SLC11A1: variants seen among roughly 807,000 people sequenced by gnomAD.
SLC11A1 encodes solute carrier family 11 member 1, also known as natural resistance-associated macrophage protein 1.
Under a neutral mutation model 63.2 loss-of-function variants are expected in SLC11A1, and 59 were observed. The observed-to-expected ratio is 0.93, with a 90% confidence interval of 0.76 to 1.16. The LOEUF is 1.16. SLC11A1 is among the 50% of genes most tolerant of loss of function. SLC11A1 has a pLI of 0.00. For synonymous variants in SLC11A1, 305 were observed against 307.8 expected (o/e 0.99, Z 0.09); for missense variants, 688 against 730.7 (o/e 0.94, Z 0.67).
At chr2:218,392,013 C>T in intron 11 of SLC11A1, 1 of 311,534 alleles carries the variant, frequency 3.2e-6, no homozygotes, top group South Asian at 2.4e-5. Context: ...GCCTTGGACT[C>T]CTGAAGTGCT....
intron 11 of SLC11A1, 159 bp downstream of exon 11, chr2:218,391,654 C>A: frequency 6.1e-6 from 6 of 978,010 alleles, no homozygotes; most frequent in Non-Finnish European, 8.7e-6. Flanking sequence ...GACGGAGTCT[C>A]GCTCTTGTCG....
rs907191459 is a variant in SLC11A1, at chr2:218,382,450, G to C, written c.7+75G>C. The C allele has an allele frequency of 3.7e-5, 57 of 1,551,020 alleles. No homozygotes were observed. The Middle Eastern group carries it at 8.4e-4, about 23-fold the overall frequency. On this transcript the variant is annotated intron_variant, in intron 1 of 14. Transcript: ENST00000233202. Reference sequence around the variant, plus strand: ...GAGATCACTAGGCTGGTGGAGACTTGAGGAAGCAAGAAAGCCCTTGGTCCC... The same window carrying C: ...GAGATCACTAGGCTGGTGGAGACTTCAGGAAGCAAGAAAGCCCTTGGTCCC...
chr2:218,394,056 G>A, intron 12 of SLC11A1, 64 bp from the exon 13 acceptor site: 2 of 1,561,320 alleles, frequency 1.3e-6, no homozygotes, highest in East Asian at 4.5e-5. Flanking sequence ...CGCCCATCTT[G>A]CCCCCACCCT....
intron 9 of SLC11A1, among the ~76,000 whole-genome samples, chr2:218,390,679 A>G (rs1696376844): frequency 6.6e-6 from 1 of 151,548 alleles, no homozygotes; most frequent in Non-Finnish European, 1.5e-5. Flanking sequence ...CCTTGGCACA[A>G]GGAGGGAGAT....
chr2:218,392,820 C>A, intron 11 of SLC11A1, 161 bp from the exon 12 acceptor site: 1 of 532,396 alleles, frequency 1.9e-6, no homozygotes. Context: ...TTTCTCCCCA[C>A]CCATCCCCTC....
At position 218,390,048 on chromosome 2, in the gene SLC11A1, G is replaced by A. The variant is rs754977723; in HGVS notation, c.954+20G>A. The A allele has an allele frequency of 1.3e-5, 20 of 1,599,018 alleles. No homozygotes were observed. The African/African-American group carries it at 1.3e-4, about 11-fold the overall frequency. On this transcript the variant is annotated intron_variant, in intron 9 of 14. Transcript: ENST00000233202. The stretch of plus-strand genomic sequence containing the variant: ...GCTGCGGTGAGACACACTTTCCCCC[G>A]CACCTGAGGCCACACACGTACTCAT...
Position 218,384,180 on chromosome 2 carries a change from G to C in SLC11A1, c.151-63G>C, listed in dbSNP as rs1294704009. On this transcript the variant is annotated intron_variant, in intron 2 of 14. Coordinates refer to ENST00000233202, the MANE Select transcript of SLC11A1 (RefSeq NM_000578.4). This position sits in a 1 kb window ranked among gnomAD's most constrained non-coding sequence, Gnocchi z 4.0. ...TGGGGCTCCTCTAGGGGATGGCCAAGGCCAGCTGCCACCATCCCTATACCC... is the reference window on the plus strand; with the variant it reads ...TGGGGCTCCTCTAGGGGATGGCCAACGCCAGCTGCCACCATCCCTATACCC... 1.2e-5 allele frequency: 18 copies of C among 1,500,270 alleles called. No individual in the cohort carries two copies. The African/African-American group carries it at 2.5e-4, about 21-fold the overall frequency. 92.9% of individuals were successfully genotyped at this position (1,500,270 alleles called of 1,614,324 possible). A position where few individuals can be genotyped will look rare whatever the true frequency, so the allele number is the denominator to read the frequency against.
rs1696015532 is a variant in SLC11A1 at position 218,385,170 on chromosome 2, CACCGTGT to C, written c.298_304del (p.Thr100TrpfsTer15). ...AGCTTCTCTGGGTGCTGCTCTGGGCCACCGTGTTGGGCTTGCTCTGCCAGCGACTGGC... is the reference window on the plus strand; with the variant it reads ...AGCTTCTCTGGGTGCTGCTCTGGGCCTGGGCTTGCTCTGCCAGCGACTGGC... On this transcript the variant is annotated frameshift_variant, in exon 4 of 15. Transcript: ENST00000233202. LOFTEE classifies it high-confidence loss of function. 6.2e-7 allele frequency: 1 copy of C among 1,613,960 alleles called. No homozygotes were observed. Among genetic ancestry groups the C allele is most frequent in the Non-Finnish European group, 8.5e-7 (1 of 1,179,890 alleles).
At position 218,396,785 on chromosome 2, in the gene SLC11A1, TACCCCCTACAC is replaced by T. The variant is rs1365862857; in HGVS notation, c.*1756_*1766del. On this transcript the variant is annotated 3_prime_UTR_variant, in exon 15 of 15. Transcript: ENST00000233202. ...TAGCCTCCTGGAAGTGCCCCCGTTG[TACCCCCTACAC>T]ACCCCTCTTGGCATTGAGTGCCAGT... 6.6e-6 allele frequency: 1 copy of T among 152,626 alleles called. No homozygotes were observed. The highest frequency in any genetic ancestry group is 1.5e-5 in the Non-Finnish European group (1 of 68,286). 9.5% of individuals were successfully genotyped at this position (152,626 alleles called of 1,614,324 possible).
rs749860990 is a variant in SLC11A1, at chr2:218,391,269, C to T, written c.1026C>T (p.Ala342=). ...TCCCCATGAACAACGCCACCGTGGC[C>T]GTGGACATTTACCAGGGGGTGAGCG... ...KIFPMNNATV[A]VDIYQGGVIL... is the part of the protein sequence containing the mutation. The change falls in exon 10 of 15, where the codon GCC becomes GCT. Residue 342 remains alanine, a synonymous_variant. Coordinates refer to ENST00000233202, the MANE Select transcript of SLC11A1 (RefSeq NM_000578.4). 2.8e-5 allele frequency: 34 copies of T among 1,213,374 alleles called. No homozygotes were observed. In the Middle Eastern group the frequency reaches 2.4e-3, roughly 87 times the overall value. 75.2% of individuals were successfully genotyped at this position (1,213,374 alleles called of 1,614,324 possible). A position where few individuals can be genotyped will look rare whatever the true frequency, so the allele number is the denominator to read the frequency against.
intron 13 of SLC11A1, 42 bp downstream of exon 13, chr2:218,394,235 T>C: frequency 6.3e-7 from 1 of 1,582,256 alleles, no homozygotes; most frequent in Non-Finnish European, 8.7e-7. Flanking sequence ...CATCACCACA[T>C]TTCATCCTCA....
At chr2:218,390,581 G>T (rs190879177) in intron 9 of SLC11A1, among the ~76,000 whole-genome samples, 10 of 152,324 alleles carry the variant, frequency 6.6e-5, no homozygotes, top group Admixed American at 6.5e-4. Flanking sequence ...GGGAGAAGGG[G>T]TGGCCAGGCC....
At chr2:218,382,796 T>A (rs1393719073) in intron 1 of SLC11A1, among the ~76,000 whole-genome samples, 164 bp from the exon 2 acceptor site, 1 of 152,096 alleles carries the variant, frequency 6.6e-6, no homozygotes, top group African/African-American at 2.4e-5. Context: ...GTCCCACACA[T>A]CTGGAATGTT....
chr2:218,390,297 A>C (rs1696352537), intron 9 of SLC11A1, among the ~76,000 whole-genome samples: 1 of 152,076 alleles, frequency 6.6e-6, no homozygotes, highest in Non-Finnish European at 1.5e-5. Context: ...GACAGGAATG[A>C]ATACCCAAGG....
rs369357104 is a variant in SLC11A1 at position 218,390,079 on chromosome 2, G to A, written c.954+51G>A. 2.2e-5 allele frequency: 34 copies of A among 1,564,452 alleles called. No homozygotes were observed. The African/African-American group carries it at 4.3e-4, about 20-fold the overall frequency. On this transcript the variant is annotated intron_variant, in intron 9 of 14. Coordinates refer to ENST00000233202, the MANE Select transcript of SLC11A1 (RefSeq NM_000578.4). ...GAGGCCACACACGTACTCATGTCCT[G>A]TAAGCCTTGCCGAGGACCCTAGGCA...
chr2:218,385,126 C>T lies in SLC11A1; in HGVS notation c.274-21C>T, dbSNP rs377353128. 9 of 1,612,690 alleles carry T rather than the reference C, an allele frequency of 5.6e-6. No individual in the cohort carries two copies. The African/African-American group carries it at 1.2e-4, about 21-fold the overall frequency. ...TGAGGCTGGCCTCTCTGGCTGAAGG[C>T]CTCTCCCTGCCTCCTCACAGCTTCT... is the stretch of plus-strand genomic sequence containing the variant. On this transcript the variant is annotated intron_variant, in intron 3 of 14. Transcript: ENST00000233202.
At position 218,391,448 on chromosome 2, in the gene SLC11A1, C is replaced by A; in HGVS notation, c.1117C>A (p.Gln373Lys). The change falls in exon 11 of 15, where the codon CAG becomes AAG. Residue 373 changes from glutamine to lysine, a missense_variant. Gln to Lys is a moderately conservative substitution (Grantham distance 53). Coordinates refer to ENST00000233202, the MANE Select transcript of SLC11A1 (RefSeq NM_000578.4). ...IWAIGLLAAGQSSTMTGTYAG... is the reference protein window; with the variant it reads ...IWAIGLLAAGKSSTMTGTYAG... ...GGCCATAGGTCTCCTGGCGGCTGGG[C>A]AGAGCTCCACCATGACGGGCACCTA... 1 of 1,612,946 alleles carries A rather than the reference C, an allele frequency of 6.2e-7. No individual in the cohort carries two copies. Among genetic ancestry groups the A allele is most frequent in the Non-Finnish European group, 8.5e-7 (1 of 1,179,558 alleles).
Position 218,382,961 on chromosome 2 carries a change from T to A in SLC11A1, c.9T>A (p.Gly3=). 4.3e-6 allele frequency: 7 copies of A among 1,613,912 alleles called. No individual in the cohort carries two copies. The highest frequency in any genetic ancestry group is 5.1e-6 in the Non-Finnish European group (6 of 1,179,966). Residue 3 remains glycine (G), a splice_region_variant and synonymous_variant, in exon 2 of 15, where the codon GGT becomes GGA. Coordinates refer to ENST00000233202, the MANE Select transcript of SLC11A1 (RefSeq NM_000578.4). ...ACCATGCTTCATGGGCCCCCACAGG[T>A]GACAAGGGTCCCCAAAGGCTAAGCG... The part of the protein sequence containing the change: MT[G]DKGPQRLSGS...
chr2:218,382,430 C>T, intron 1 of SLC11A1, 55 bp downstream of exon 1: 1 of 1,601,284 alleles, frequency 6.2e-7, no homozygotes, highest in Non-Finnish European at 8.6e-7. Context: ...TGGAGGAGAT[C>T]ACTAGGCTGG....
Sources: allele counts gnomAD v4.1 joint callset (sites outside exome capture counted in the v4.1 genomes callset), GRCh38; gene constraint gnomAD v4.1.1; non-coding constraint Gnocchi (gnomAD v3.1); transcripts MANE v1.5; gene names NCBI Gene and HGNC (gene_info 2026-07-23, HGNC 2026-07-21).